RBFOX1: variants seen among roughly 807,000 people sequenced by gnomAD.
RBFOX1 encodes the protein RNA binding protein fox-1 homolog 1.
In RBFOX1, 8 loss-of-function variants were observed where a neutral mutation model predicts 57.7. That is an observed-to-expected ratio of 0.14 (90% CI 0.08 to 0.25). The LOEUF is 0.25. Ranked by LOEUF, RBFOX1 falls within the 10% of genes least tolerant of loss-of-function variation. RBFOX1 has a pLI of 1.00. For synonymous variants in RBFOX1, 326 were observed against 222.4 expected (o/e 1.47, Z -4.15); for missense variants, 611 against 548.5 (o/e 1.11, Z -1.14).
chr16:6,809,975 C>A (rs989393496), intron 3 of RBFOX1, among the ~76,000 whole-genome samples: 1 of 151,262 alleles, frequency 6.6e-6, no homozygotes, highest in Non-Finnish European at 1.5e-5. Context: ...GATCAGACAT[C>A]TAGAGCTTGT....
chr16:7,217,292 C>CTTCTTT (rs2092266887), intron 4 of RBFOX1, among the ~76,000 whole-genome samples: 1 of 104,080 alleles, frequency 9.6e-6, no homozygotes, highest in African/African-American at 3.8e-5. Context: ...TCTTATTCTT[C>CTTCTTT]TTTTTTTTTT....
chr16:7,194,113 C>T (rs1275075409), intron 4 of RBFOX1, among the ~76,000 whole-genome samples: 1 of 152,112 alleles, frequency 6.6e-6, no homozygotes, highest in African/African-American at 2.4e-5. Context: ...TTCCATTACC[C>T]TATTCGTGTC....
intron 1 of RBFOX1, among the ~76,000 whole-genome samples, chr16:6,270,405 A>T (rs2075065304): frequency 6.6e-6 from 1 of 151,884 alleles, no homozygotes. Context: ...GTATGGAAAC[A>T]TCAATCAAAA....
rs57401283 is a variant in RBFOX1, at chr16:6,091,593, G to A, written c.-127+71601G>A. Among the ~76,000 whole-genome samples the A allele has an allele frequency of 9.2e-3, 1,401 of 152,328 alleles. 12 individuals are homozygous for A. The highest frequency in any genetic ancestry group is 0.03 in the African/African-American group (1,251 of 41,572). ...GCCTGTAATCCCAGGACTTTTGAAG[G>A]CTGAGGCAGGCGGATCACCTGAGGT... On this transcript the variant is annotated intron_variant, in intron 1 of 15. Transcript: ENST00000550418.
At chr16:7,138,662 A>T (rs1171329060) in intron 4 of RBFOX1, among the ~76,000 whole-genome samples, 2 of 152,158 alleles carry the variant, frequency 1.3e-5, no homozygotes, top group East Asian at 3.9e-4. Context: ...GGTGAAGGGG[A>T]TGGGGAGGAC....
At chr16:6,929,787 T>C (rs916290767) in intron 3 of RBFOX1, among the ~76,000 whole-genome samples, 1 of 152,194 alleles carries the variant, frequency 6.6e-6, no homozygotes, top group Non-Finnish European at 1.5e-5. Context: ...TGTAGCTTTT[T>C]TTATTGTATT....
chr16:5,560,358 C>A (rs923408037), intron 2 of RBFOX1, among the ~76,000 whole-genome samples: 2 of 152,144 alleles, frequency 1.3e-5, no homozygotes, highest in South Asian at 2.1e-4. Context: ...CATTGAATTA[C>A]TTCCTCCAGG....
intron 4 of RBFOX1, among the ~76,000 whole-genome samples, chr16:7,106,118 T>G (rs183978938): frequency 1.5e-3 from 227 of 152,296 alleles, no homozygotes; most frequent in African/African-American, 5.3e-3. Flanking sequence ...TTGAAACTCC[T>G]TTACCGTGAA....
chr16:6,684,469 T>C (rs1340830692), intron 3 of RBFOX1, among the ~76,000 whole-genome samples: 2 of 152,216 alleles, frequency 1.3e-5, no homozygotes, highest in East Asian at 3.9e-4. Context: ...ACGGCAAACC[T>C]CCTGAACTTA....
At chr16:5,640,924 C>T (rs1463103485) in intron 3 of RBFOX1, among the ~76,000 whole-genome samples, 2 of 151,678 alleles carry the variant, frequency 1.3e-5, no homozygotes, top group Non-Finnish European at 2.9e-5. Flanking sequence ...CACACGTGCA[C>T]ATACACTCAT....
chr16:6,269,803 C>G lies in RBFOX1; in HGVS notation c.-126-47192C>G, dbSNP rs185885564. Among the ~76,000 whole-genome samples the G allele has an allele frequency of 2.7e-4, 41 of 152,130 alleles. 2 individuals are homozygous for G. Among genetic ancestry groups the G allele is most frequent in the South Asian group, 2.5e-3 (12 of 4,826 alleles). On this transcript the variant is annotated intron_variant, in intron 1 of 15. Transcript: ENST00000550418. ...TTTAGAACATCAGCAAGGAGGAAAA[C>G]AAAAATAGCCATTAATATGATAAAT...
chr16:5,427,432 A>G (rs555987429), intron 1 of RBFOX1, among the ~76,000 whole-genome samples: 1 of 152,222 alleles, frequency 6.6e-6, no homozygotes, highest in Non-Finnish European at 1.5e-5. Flanking sequence ...TAAAAATACA[A>G]AAATTAGCCA....
chr16:6,218,483 G>A (rs940296706), intron 1 of RBFOX1, among the ~76,000 whole-genome samples: 5 of 151,872 alleles, frequency 3.3e-5, no homozygotes, highest in South Asian at 2.1e-4. Flanking sequence ...TAATTTTTGT[G>A]TATTTTAGTA....
rs1596735372 is a variant in RBFOX1, at chr16:5,682,758, C to T, written c.318+83797C>T. On this transcript the variant is annotated intron_variant, in intron 3 of 19. Transcript: ENST00000641259. ...GGTGTCTTCATCCTTGGCAGCCACA[C>T]ATTGAATTCATGGAAGAGCTTGAGA... is the stretch of plus-strand genomic sequence containing the variant. Among the ~76,000 whole-genome samples, 2 of 152,318 alleles carry T rather than the reference C, an allele frequency of 1.3e-5. 1 individual carries two copies. Among genetic ancestry groups the T allele is most frequent in the East Asian group, 3.9e-4 (2 of 5,178 alleles).
chr16:7,263,706 G>C (rs1854128381), intron 4 of RBFOX1, among the ~76,000 whole-genome samples: 1 of 151,946 alleles, frequency 6.6e-6, no homozygotes. Flanking sequence ...GACCAGCCTG[G>C]CTAACATGGT....
chr16:6,759,623 A>C (rs2076326261), intron 3 of RBFOX1, among the ~76,000 whole-genome samples: 1 of 151,938 alleles, frequency 6.6e-6, no homozygotes, highest in Non-Finnish European at 1.5e-5. Flanking sequence ...GTTCTTTAGC[A>C]TGTAGGGATT....
intron 2 of RBFOX1, among the ~76,000 whole-genome samples, chr16:5,503,314 C>T (rs781517487): frequency 1.3e-5 from 2 of 152,216 alleles, no homozygotes; most frequent in Non-Finnish European, 2.9e-5. Context: ...GTAATTTCAC[C>T]ACTGTCCCCC....
At chr16:7,524,480 A>G (rs17676059) in intron 5 of RBFOX1, among the ~76,000 whole-genome samples, 23,165 of 152,226 alleles carry the variant, frequency 0.15, 2,372 homozygotes, top group Non-Finnish European at 0.23. Flanking sequence ...CTGACAAGGT[A>G]TTTTACTCTT....
chr16:6,892,343 A>G (rs887821182), intron 3 of RBFOX1, among the ~76,000 whole-genome samples: 5 of 152,170 alleles, frequency 3.3e-5, no homozygotes, highest in African/African-American at 1.2e-4. Flanking sequence ...AAAGGGGGTT[A>G]TTTTAAGGAG....
Sources: gnomAD v4.1 joint callset for allele counts (sites outside exome capture counted in the v4.1 genomes callset) on GRCh38, gnomAD v4.1.1 for gene constraint, MANE v1.5 for transcripts, NCBI Gene and HGNC (gene_info 2026-07-23, HGNC 2026-07-21) for gene names.